GPR137C: variants seen among roughly 807,000 people sequenced by gnomAD.
GPR137C encodes the protein G protein-coupled receptor 137C.
In GPR137C, 27 loss-of-function variants were observed where a neutral mutation model predicts 43.4. The ratio of observed to expected loss-of-function variants is 0.62; its 90% CI spans 0.46 to 0.86. GPR137C has a LOEUF of 0.86. GPR137C is among the 40% of genes least tolerant of loss of function. The pLI is 0.00. For synonymous variants in GPR137C, 285 were observed against 226.9 expected, an observed-to-expected ratio of 1.26 and a Z score of -2.30; for missense variants, 522 against 534.6, an observed-to-expected ratio of 0.98 and a Z score of 0.23.
chr14:52,627,951 C>T (rs2039248520), intron 3 of GPR137C, among the ~76,000 whole-genome samples: 1 of 152,078 alleles, frequency 6.6e-6, no homozygotes, highest in African/African-American at 2.4e-5. Context: ...GATAGCTAGC[C>T]AAATGTGACT....
chr14:52,606,085 C>T (rs1198816468), intron 3 of GPR137C, among the ~76,000 whole-genome samples: 14 of 152,132 alleles, frequency 9.2e-5, no homozygotes, highest in Non-Finnish European at 1.3e-4. Context: ...TGTTCCCGCT[C>T]CTTCAATTTT....
chr14:52,562,168 AAAAAC>A (rs148147096), intron 1 of GPR137C, among the ~76,000 whole-genome samples: 14,806 of 152,140 alleles, frequency 0.097, 1,078 homozygotes, highest in East Asian at 0.37. Context: ...ATAAAATAGA[AAAAAC>A]AAAGCAGGGA....
rs1045019775 is a variant in GPR137C, at chr14:52,553,710, C to T, written c.444+119C>T. Reference sequence around the variant, plus strand: ...CAGCGAGAGGCGGACTGGAAACCAGCCTGGGGAAACTGAGGCACACCTGGA... The same window carrying T: ...CAGCGAGAGGCGGACTGGAAACCAGTCTGGGGAAACTGAGGCACACCTGGA... On this transcript the variant is annotated intron_variant, in intron 1 of 6. Transcript: ENST00000321662. 5 of 817,118 alleles carry T rather than the reference C, an allele frequency of 6.1e-6. No individual in the cohort carries two copies. In the South Asian group the frequency reaches 7.3e-5, roughly 12 times the overall value. The allele number at this position is 817,118 out of a possible 1,614,324, so 50.6% of individuals were successfully genotyped here. A position where few individuals can be genotyped will look rare whatever the true frequency, so the allele number is the denominator to read the frequency against.
At chr14:52,625,028 T>C (rs892612235) in intron 3 of GPR137C, among the ~76,000 whole-genome samples, 1 of 152,200 alleles carries the variant, frequency 6.6e-6, no homozygotes, top group African/African-American at 2.4e-5. Context: ...GATGAAATTG[T>C]ATTTTATCTT....
intron 1 of GPR137C, among the ~76,000 whole-genome samples, chr14:52,564,247 C>G (rs1157621116): frequency 7.1e-6 from 1 of 141,556 alleles, no homozygotes; most frequent in African/African-American, 2.8e-5. Flanking sequence ...TGCACTCCAC[C>G]CTGGGCAACA....
At chr14:52,584,748 C>T (rs7153230) in intron 1 of GPR137C, among the ~76,000 whole-genome samples, 13,622 of 152,008 alleles carry the variant, frequency 0.09, 678 homozygotes, top group South Asian at 0.15. Flanking sequence ...GTAGCTAGGA[C>T]GATAGGTGTG....
chr14:52,597,013 A>G (rs1001479124), intron 1 of GPR137C: 2 of 455,248 alleles, frequency 4.4e-6, no homozygotes, highest in African/African-American at 2.0e-5. Context: ...TTCTCAGAAC[A>G]TATATCTCTG....
chr14:52,556,496 G>A (rs2038196523), intron 1 of GPR137C, among the ~76,000 whole-genome samples: 1 of 147,362 alleles, frequency 6.8e-6, no homozygotes, highest in Non-Finnish European at 1.5e-5. Flanking sequence ...TTAACCTCCT[G>A]GAAGCCTATA....
At chr14:52,596,434 G>A (rs1486298410) in intron 1 of GPR137C, among the ~76,000 whole-genome samples, 6 of 152,248 alleles carry the variant, frequency 3.9e-5, no homozygotes, top group East Asian at 1.9e-4. Flanking sequence ...CAGAGGTGGC[G>A]TCTAGCGAGG....
intron 1 of GPR137C, among the ~76,000 whole-genome samples, chr14:52,560,903 G>A (rs2089776770): frequency 6.6e-6 from 1 of 152,046 alleles, no homozygotes; most frequent in South Asian, 2.1e-4. Flanking sequence ...TTTGTTTTTT[G>A]CAAGACAAAT....
intron 3 of GPR137C, among the ~76,000 whole-genome samples, chr14:52,605,754 G>A (rs1027529781): frequency 6.6e-5 from 10 of 152,130 alleles, no homozygotes; most frequent in African/African-American, 2.4e-4. Flanking sequence ...TATCATGAAA[G>A]GATGTTGAAT....
At chr14:52,612,502 C>T in intron 3 of GPR137C, 1 of 982,270 alleles carries the variant, frequency 1.0e-6, no homozygotes, top group Non-Finnish European at 1.2e-6. Context: ...ACATCTAGAA[C>T]TGTGTATCCC....
rs2038119743 is a variant in GPR137C, at chr14:52,553,357, G to A, written c.210G>A (p.Arg70=). 6.2e-7 allele frequency: 1 copy of A among 1,602,812 alleles called. No homozygotes were observed. Among genetic ancestry groups the A allele is most frequent in the Non-Finnish European group, 8.5e-7 (1 of 1,178,662 alleles). ...LFAFAYLQLW[R]LLLYRERRLS... is the part of the protein sequence containing the mutation. ...CCTTTGCCTACCTGCAGCTGTGGCG[G>A]CTGCTCCTGTACCGCGAGCGGCGGC... The change falls in exon 1 of 7, where the codon CGG becomes CGA. Residue 70 remains arginine (R), a synonymous_variant. Transcript: ENST00000321662.
chr14:52,589,105 CATT>C (rs1348883934), intron 1 of GPR137C, among the ~76,000 whole-genome samples: 1 of 152,140 alleles, frequency 6.6e-6, no homozygotes, highest in African/African-American at 2.4e-5. Flanking sequence ...ACCTTGAAGA[CATT>C]ATGCTAAATG....
At chr14:52,608,882 G>A (rs1306113618) in intron 3 of GPR137C, among the ~76,000 whole-genome samples, 2 of 152,104 alleles carry the variant, frequency 1.3e-5, no homozygotes, top group South Asian at 2.1e-4. Flanking sequence ...ACCTTTGGGA[G>A]TTTGATTATA....
At chr14:52,571,791 A>G (rs190279370) in intron 1 of GPR137C, among the ~76,000 whole-genome samples, 57 of 152,336 alleles carry the variant, frequency 3.7e-4, no homozygotes, top group African/African-American at 1.3e-3. Context: ...AAAAACCTTC[A>G]AAAAATCAAT....
intron 1 of GPR137C, among the ~76,000 whole-genome samples, chr14:52,556,606 C>T (rs890869248): frequency 8.6e-5 from 13 of 151,804 alleles, no homozygotes; most frequent in African/African-American, 2.2e-4. Context: ...AAGAGCTTTT[C>T]CAGAGAAGGG....
At chr14:52,561,052 C>CA (rs1000857475) in intron 1 of GPR137C, among the ~76,000 whole-genome samples, 8 of 152,028 alleles carry the variant, frequency 5.3e-5, no homozygotes, top group Non-Finnish European at 1.0e-4. Flanking sequence ...AGATACTTCA[C>CA]AAAAAAGATA....
intron 1 of GPR137C, among the ~76,000 whole-genome samples, chr14:52,579,918 T>C (rs74050910): frequency 0.047 from 7,131 of 152,300 alleles, 405 homozygotes; most frequent in East Asian, 0.16. Context: ...GTATTCAGTA[T>C]AAACTATATT....
Sources: allele counts gnomAD v4.1 joint callset (sites outside exome capture counted in the v4.1 genomes callset), GRCh38; gene constraint gnomAD v4.1.1; transcripts MANE v1.5; gene names NCBI Gene and HGNC (gene_info 2026-07-23, HGNC 2026-07-21).